Variants in SCRT2 observed in about 807,000 individuals in gnomAD.
SCRT2 encodes scratch family transcriptional repressor 2.
In SCRT2, 2 loss-of-function variants were observed where a neutral mutation model predicts 3.7. The observed-to-expected ratio is 0.54, with a 90% CI of 0.22 to 1.70. SCRT2 has a LOEUF of 1.70. Among genes scored for constraint, SCRT2 ranks in the 40% most tolerant of loss-of-function variants. The pLI is 0.19. For synonymous variants in SCRT2, 256 were observed against 220.6 expected (o/e 1.16, Z -1.42); for missense variants, 456 against 468.5 (o/e 0.97, Z 0.25).
chr20:667,087 C>T lies in SCRT2; in HGVS notation c.134-2626G>A, dbSNP rs1300417056. ...GTGTGACCTTGGCCAAACGATTTGGCCTCTGTGTGACTCTACCGTTTCAGT... is the reference window on the plus strand; with the variant it reads ...GTGTGACCTTGGCCAAACGATTTGGTCTCTGTGTGACTCTACCGTTTCAGT... On this transcript the variant is annotated intron_variant, in intron 1 of 1. Transcript: ENST00000246104. The surrounding 1 kb of genome is among the most constrained non-coding windows in gnomAD (Gnocchi z 4.4). Among the ~76,000 whole-genome samples, 1 of 152,150 alleles carries T rather than the reference C, an allele frequency of 6.6e-6. No homozygotes were observed. The highest frequency in any genetic ancestry group is 6.5e-5 in the Admixed American group (1 of 15,276).
chr20:674,913 G>A (rs1292742242), intron 1 of SCRT2, among the ~76,000 whole-genome samples: 2 of 152,186 alleles, frequency 1.3e-5, no homozygotes, highest in African/African-American at 4.8e-5. Context: ...CAGGCATGTG[G>A]CTGAGGGTAA....
In SCRT2 at chr20:664,342, CG is replaced by C; in HGVS notation, c.252del (p.Glu85LysfsTer18). The part of the protein sequence containing the change: ...PPAAPEEYSD[P>X]ESPQSSLSAR... ...GCCGACAGGCTCGACTGCGGGCTTT[CG>C]GGGTCGCTGTACTCCTCCGGCGCCG... On this transcript the variant is annotated frameshift_variant, in exon 2 of 2. Coordinates refer to ENST00000246104, the MANE Select transcript of SCRT2 (RefSeq NM_033129.4). LOFTEE classifies it low-confidence loss of function (END_TRUNC). This position sits in a 1 kb window ranked among gnomAD's most constrained non-coding sequence, Gnocchi z 7.9. 6.7e-7 allele frequency: 1 copy of C among 1,495,468 alleles called. No homozygotes were observed. The highest frequency in any genetic ancestry group is 9.0e-7 in the Non-Finnish European group (1 of 1,113,458). 92.6% of individuals were successfully genotyped at this position (1,495,468 alleles called of 1,614,324 possible).
intron 1 of SCRT2, among the ~76,000 whole-genome samples, chr20:669,783 G>A (rs1293285303): frequency 6.6e-6 from 1 of 152,198 alleles, no homozygotes; most frequent in African/African-American, 2.4e-5. Context: ...TGGGCAAAGG[G>A]GCTGGGTACC....
intron 1 of SCRT2, among the ~76,000 whole-genome samples, chr20:672,391 G>C (rs1227173067): frequency 1.5e-4 from 1 of 6,576 alleles, no homozygotes; most frequent in African/African-American, 6.9e-4. Flanking sequence ...CATTGCTCGT[G>C]TGTGTGTGTG....
chr20:667,482 TC>T lies in SCRT2; in HGVS notation c.134-3022del, dbSNP rs1356309345. On this transcript the variant is annotated intron_variant, in intron 1 of 1. Transcript: ENST00000246104. This position sits in a 1 kb window ranked among gnomAD's most constrained non-coding sequence, Gnocchi z 4.4. ...TGCTGCTCCTCTCTGGGCCTCTGTT[TC>T]CTCACCCGGGATGTGTAATTTCTAT... 2.0e-5 allele frequency among the ~76,000 whole-genome samples: 3 copies of T among 152,196 alleles called. No homozygotes were observed. Among genetic ancestry groups the T allele is most frequent in the African/African-American group, 7.2e-5 (3 of 41,444 alleles).
At chr20:668,424 T>C (rs1984225181) in intron 1 of SCRT2, among the ~76,000 whole-genome samples, 1 of 152,144 alleles carries the variant, frequency 6.6e-6, no homozygotes, top group Non-Finnish European at 1.5e-5. Flanking sequence ...ACTGACAGGG[T>C]GAGACAGGAC....
chr20:672,410 T>C (rs1470464687), intron 1 of SCRT2, among the ~76,000 whole-genome samples: 1 of 147,348 alleles, frequency 6.8e-6, no homozygotes, highest in African/African-American at 2.7e-5. Flanking sequence ...TGTGTGTGTG[T>C]GTGTGTGTGT....
At position 664,114 on chromosome 20, in the gene SCRT2, C is replaced by T; in HGVS notation, c.481G>A (p.Gly161Ser). Reference sequence around the variant, plus strand: ...TTCGACGACGTGGCGTAGGTCTTGCCGCACTCGGCGCACGCGTGCCGGTGC... The same window carrying T: ...TTCGACGACGTGGCGTAGGTCTTGCTGCACTCGGCGCACGCGTGCCGGTGC... Reference protein sequence around the residue: ...GGHRHACAECGKTYATSSNLS... With the variant: ...GGHRHACAECSKTYATSSNLS... The change falls in exon 2 of 2, where the codon GGC (glycine) becomes AGC (serine). Residue 161 changes from glycine (G) to serine (S), a missense_variant. Transcript: ENST00000246104. The surrounding 1 kb of genome is among the most constrained non-coding windows in gnomAD (Gnocchi z 7.9). 6.3e-7 allele frequency: 1 copy of T among 1,594,358 alleles called. No homozygotes were observed.
intron 1 of SCRT2, among the ~76,000 whole-genome samples, chr20:669,469 C>T (rs553197601): frequency 2.6e-5 from 4 of 152,266 alleles, no homozygotes; most frequent in South Asian, 2.1e-4. Flanking sequence ...CCCAGACTCC[C>T]AAGGTGCCAA....
Position 663,901 on chromosome 20 carries a change from G to T in SCRT2, c.694C>A (p.Arg232Ser). Residue 232 changes from arginine to serine, a missense_variant, in exon 2 of 2, where the codon CGC (arginine) becomes AGC (serine). Coordinates refer to ENST00000246104, the MANE Select transcript of SCRT2 (RefSeq NM_033129.4). This position sits in a 1 kb window ranked among gnomAD's most constrained non-coding sequence, Gnocchi z 6.9. The stretch of plus-strand genomic sequence containing the variant: ...AACGGCTTTTCGCCGGTGTGCGAGC[G>T]CATGTGACCCTGCAGCAGCCAGGGC... ...SRPWLLQGHMRSHTGEKPFGC... is the reference protein window; with the variant it reads ...SRPWLLQGHMSSHTGEKPFGC... 5 of 1,605,334 alleles carry T rather than the reference G, an allele frequency of 3.1e-6. No homozygotes were observed. The highest frequency in any genetic ancestry group is 4.2e-6 in the Non-Finnish European group (5 of 1,178,182).
rs1208488668 is a variant in SCRT2 at position 663,868 on chromosome 20, C to G, written c.727G>C (p.Ala243Pro). 3.8e-6 allele frequency: 6 copies of G among 1,598,434 alleles called. No individual in the cohort carries two copies. In the South Asian group the frequency reaches 6.7e-5, roughly 18 times the overall value. ...TCGGCGAAGGCCTTGCCGCAGTGCGCGCAGCCGAACGGCTTTTCGCCGGTG... is the reference window on the plus strand; with the variant it reads ...TCGGCGAAGGCCTTGCCGCAGTGCGGGCAGCCGAACGGCTTTTCGCCGGTG... ...SHTGEKPFGC[A>P]HCGKAFADRS... The change falls in exon 2 of 2, where the codon GCG (alanine) becomes CCG (proline). Residue 243 changes from alanine (A) to proline (P), a missense_variant. Physicochemically the swap from Ala to Pro is conservative, Grantham distance 27 (BLOSUM62 -1). This residue lies in a region of SCRT2 where 144 missense variants were observed against 141.9 expected (regional missense o/e 1.01). Coordinates refer to ENST00000246104, the MANE Select transcript of SCRT2 (RefSeq NM_033129.4). The surrounding 1 kb of genome is among the most constrained non-coding windows in gnomAD (Gnocchi z 6.9).
Position 664,216 on chromosome 20 carries a change from C to T in SCRT2, c.379G>A (p.Gly127Arg). 1 of 1,238,424 alleles carries T rather than the reference C, an allele frequency of 8.1e-7. No individual in the cohort carries two copies. Among genetic ancestry groups the T allele is most frequent in the Non-Finnish European group, 1.0e-6 (1 of 985,958 alleles). The allele number at this position is 1,238,424 out of a possible 1,614,324, so 76.7% of individuals were successfully genotyped here. The change falls in exon 2 of 2, where the codon GGG becomes AGG. Residue 127 changes from glycine (G) to arginine (R), a missense_variant. Gly to Arg is a moderately radical substitution (Grantham distance 125). This residue lies in a region of SCRT2 where 306 missense variants were observed against 305.3 expected (regional missense o/e 1.00). Coordinates refer to ENST00000246104, the MANE Select transcript of SCRT2 (RefSeq NM_033129.4). The surrounding 1 kb of genome is among the most constrained non-coding windows in gnomAD (Gnocchi z 7.9). ...GCGTCTCCCGAGCCCCCCGCGTCCCCGCCGCCCCCGCCCCGCCGCCGCCGC... is the reference window on the plus strand; with the variant it reads ...GCGTCTCCCGAGCCCCCCGCGTCCCTGCCGCCCCCGCCCCGCCGCCGCCGC... ...RSRRRRGGGG[G>R]DAGGSGDAGG...
chr20:664,401 TC>T lies in SCRT2; in HGVS notation c.193del (p.Glu65SerfsTer38). 7.2e-7 allele frequency: 1 copy of T among 1,385,728 alleles called. No individual in the cohort carries two copies. Among genetic ancestry groups the T allele is most frequent in the Admixed American group, 2.5e-5 (1 of 39,460 alleles). The allele number at this position is 1,385,728 out of a possible 1,614,324, so 85.8% of individuals were successfully genotyped here. On this transcript the variant is annotated frameshift_variant, in exon 2 of 2. Coordinates refer to ENST00000246104, the MANE Select transcript of SCRT2 (RefSeq NM_033129.4). LOFTEE classifies it low-confidence loss of function (END_TRUNC). The surrounding 1 kb of genome is among the most constrained non-coding windows in gnomAD (Gnocchi z 7.9). ...SYDADQKPGL[E>X]LAPAEPAYPP... ...GTACGCGGGCTCGGCCGGGGCCAGC[TC>T]CAGGCCCGGCTTCTGGTCCGCATCG...
At position 664,184 on chromosome 20, in the gene SCRT2, G is replaced by C. The variant is rs934952650; in HGVS notation, c.411C>G (p.Gly137=). The change falls in exon 2 of 2, where the codon GGC becomes GGG. Residue 137 remains glycine (G), a synonymous_variant. Transcript: ENST00000246104. This position sits in a 1 kb window ranked among gnomAD's most constrained non-coding sequence, Gnocchi z 7.9. ...GDAGGSGDAG[G]AGGRAGRAGA... Reference sequence around the variant, plus strand: ...CCGCGCGCCCCGCGCGCCCCCCGGCGCCCCCCGCGTCTCCCGAGCCCCCCG... The same window carrying C: ...CCGCGCGCCCCGCGCGCCCCCCGGCCCCCCCCGCGTCTCCCGAGCCCCCCG... 3 of 1,064,646 alleles carry C rather than the reference G, an allele frequency of 2.8e-6. No homozygotes were observed. The highest frequency in any genetic ancestry group is 3.4e-6 in the Non-Finnish European group (3 of 882,570). The allele number at this position is 1,064,646 out of a possible 1,614,324, so 65.9% of individuals were successfully genotyped here.
chr20:668,806 T>C (rs76352113), intron 1 of SCRT2, among the ~76,000 whole-genome samples: 5,483 of 152,312 alleles, frequency 0.036, 312 homozygotes, highest in African/African-American at 0.12. Flanking sequence ...CTGGGCCCTC[T>C]GCAGACACTG....
Position 675,561 on chromosome 20 carries a change from C to G in SCRT2, c.41G>C (p.Gly14Ala). ...GGCCGGCACCCCGCTGCACTGGAAG[C>G]CGTCCCCTTTGATCTTCTTTACCAG... is the stretch of plus-strand genomic sequence containing the variant. ...SFLVKKIKGD[G>A]FQCSGVPAPT... is the part of the protein sequence containing the mutation. The change falls in exon 1 of 2, where the codon GGC (glycine) becomes GCC (alanine). Residue 14 changes from glycine (G) to alanine (A), a missense_variant. By Grantham distance (60) the Gly-to-Ala change is moderately conservative (BLOSUM62 0). Around this residue, in one of 3 missense-constraint regions of SCRT2, gnomAD observed 306 missense variants for 305.3 expected, o/e 1.00. Coordinates refer to ENST00000246104, the MANE Select transcript of SCRT2 (RefSeq NM_033129.4). This position sits in a 1 kb window ranked among gnomAD's most constrained non-coding sequence, Gnocchi z 6.9. 7.2e-7 allele frequency: 1 copy of G among 1,379,678 alleles called. No homozygotes were observed. The highest frequency in any genetic ancestry group is 2.8e-5 in the East Asian group (1 of 35,576). The allele number at this position is 1,379,678 out of a possible 1,614,324, so 85.5% of individuals were successfully genotyped here.
At position 663,651 on chromosome 20, in the gene SCRT2, G is replaced by A. The variant is rs1305576180; in HGVS notation, c.*20C>T. 11 of 1,388,918 alleles carry A rather than the reference G, an allele frequency of 7.9e-6. No individual in the cohort carries two copies. Among genetic ancestry groups the A allele is most frequent in the Admixed American group, 6.9e-5 (2 of 29,162 alleles). The allele number at this position is 1,388,918 out of a possible 1,614,324, so 86.0% of individuals were successfully genotyped here. The stretch of plus-strand genomic sequence containing the variant: ...GGCGCGTGGAGAGCGAGTTCCGGGC[G>A]CGAGGGCGAGGCGGAAGGCTCAGCT... On this transcript the variant is annotated 3_prime_UTR_variant, in exon 2 of 2. Transcript: ENST00000246104. The surrounding 1 kb of genome is among the most constrained non-coding windows in gnomAD (Gnocchi z 6.9).
chr20:671,035 CA>C (rs1175672948), intron 1 of SCRT2, among the ~76,000 whole-genome samples: 1 of 152,204 alleles, frequency 6.6e-6, no homozygotes, highest in Non-Finnish European at 1.5e-5. Context: ...CAAGGCCACA[CA>C]GAAGGCTAAT....
Position 664,070 on chromosome 20 carries a change from C to T in SCRT2, c.525G>A (p.Gln175=). The T allele has an allele frequency of 6.2e-7, 1 of 1,611,274 alleles. No homozygotes were observed. The highest frequency in any genetic ancestry group is 8.5e-7 in the Non-Finnish European group (1 of 1,179,496). Residue 175 remains glutamine, a synonymous_variant, in exon 2 of 2, where the codon CAG becomes CAA. Transcript: ENST00000246104. This position sits in a 1 kb window ranked among gnomAD's most constrained non-coding sequence, Gnocchi z 7.9. ...GCTGGCTGTCCAGGCTGCGGTGCGT[C>T]TGCTTGTGGCGGCTCAGGTTCGACG... The part of the protein sequence containing the change: ...ATSSNLSRHK[Q]THRSLDSQLA...
Sources: allele counts gnomAD v4.1 joint callset (sites outside exome capture counted in the v4.1 genomes callset), GRCh38; gene constraint gnomAD v4.1.1; regional missense constraint gnomAD v4.1.1; non-coding constraint Gnocchi (gnomAD v3.1); transcripts MANE v1.5; gene names NCBI Gene and HGNC (gene_info 2026-07-23, HGNC 2026-07-21).